Variants in PAK1IP1 observed in about 807,000 individuals in gnomAD.
The protein encoded by PAK1IP1 is PAK1 interacting protein 1.
Under a neutral mutation model 42.0 loss-of-function variants are expected in PAK1IP1, and 24 were observed. That is an observed-to-expected ratio of 0.57 (90% CI 0.41 to 0.80). PAK1IP1 has a LOEUF of 0.80. Ranked by LOEUF, PAK1IP1 falls within the 30% of genes least tolerant of loss-of-function variation. The pLI is 0.00. For missense variants in PAK1IP1, 411 were observed against 467.9 expected (o/e 0.88, Z 1.12); for synonymous variants, 154 against 156.7 (o/e 0.98, Z 0.13).
intron 7 of PAK1IP1, among the ~76,000 whole-genome samples, chr6:10,705,907 G>A (rs958086885): frequency 1.3e-5 from 2 of 152,038 alleles, no homozygotes; most frequent in Admixed American, 1.3e-4. Flanking sequence ...CTCCTATATT[G>A]GGAAGTGAAT....
chr6:10,699,464 G>A (rs545062081), intron 2 of PAK1IP1, among the ~76,000 whole-genome samples: 35 of 152,286 alleles, frequency 2.3e-4, no homozygotes, highest in Non-Finnish European at 8.8e-5. Context: ...TTGAAGTCAA[G>A]AAGTAGTACT....
intron 2 of PAK1IP1, among the ~76,000 whole-genome samples, chr6:10,701,997 G>A (rs1203020978): frequency 1.3e-5 from 2 of 152,188 alleles, no homozygotes; most frequent in African/African-American, 4.8e-5. Context: ...CACTTTGGGA[G>A]GCTGAGGTGG....
upstream of PAK1IP1, chr6:10,694,880 G>A: frequency 1.3e-6 from 1 of 758,232 alleles, no homozygotes; most frequent in Non-Finnish European, 2.2e-6. Flanking sequence ...TAATTCGAGC[G>A]CCGATGCAGA....
intron 2 of PAK1IP1, among the ~76,000 whole-genome samples, chr6:10,698,257 C>T (rs1191433347): frequency 6.6e-6 from 1 of 151,964 alleles, no homozygotes; most frequent in Non-Finnish European, 1.5e-5. Flanking sequence ...TTATGTACCC[C>T]TCTGTGTGCC....
At chr6:10,698,950 C>T (rs1250524989) in intron 2 of PAK1IP1, among the ~76,000 whole-genome samples, 1 of 151,942 alleles carries the variant, frequency 6.6e-6, no homozygotes, top group Admixed American at 6.5e-5. Flanking sequence ...CCTGTAATCC[C>T]AGCACTTTGG....
chr6:10,695,144 T>C, intron 1 of PAK1IP1, 75 bp downstream of exon 1: 2 of 883,568 alleles, frequency 2.3e-6, no homozygotes, highest in South Asian at 1.3e-5. Context: ...ACAGCAGAGG[T>C]GAACATTGGA....
intron 8 of PAK1IP1, among the ~76,000 whole-genome samples, chr6:10,708,025 C>T (rs1770257213): frequency 1.4e-5 from 2 of 143,926 alleles, no homozygotes; most frequent in African/African-American, 2.6e-5. Context: ...GACCTGATTC[C>T]TTTCTTTAGA....
chr6:10,691,055 G>A (rs1231334962), upstream of PAK1IP1, among the ~76,000 whole-genome samples: 1 of 152,186 alleles, frequency 6.6e-6, no homozygotes, highest in Non-Finnish European at 1.5e-5. Flanking sequence ...ATAAAAAAGA[G>A]CAGCATTGCT....
chr6:10,708,041 C>CTTTTTTTTTTTTTTTTTTTTTTTT (rs34074813), intron 8 of PAK1IP1, among the ~76,000 whole-genome samples: 1 of 92,298 alleles, frequency 1.1e-5, no homozygotes, highest in Non-Finnish European at 2.4e-5. Context: ...TTAGAATTTT[C>CTTTTTTTTTTTTTTTTTTTTTTTT]TTTTTTTTTT....
Position 10,697,356 on chromosome 6 carries a change from T to C in PAK1IP1, c.117T>C (p.His39=), listed in dbSNP as rs1307429425. ...CTCTTGTGGCTGACTTCACTCACCA[T>C]GCTCACACTGCCTCCTTGTCAGCAG... ...QWTLVADFTH[H]AHTASLSAVA... Residue 39 remains histidine (H), a synonymous_variant, in exon 2 of 10, where the codon CAT becomes CAC. Transcript: ENST00000379568. 3.7e-6 allele frequency: 6 copies of C among 1,614,162 alleles called. No homozygotes were observed. Among genetic ancestry groups the C allele is most frequent in the Non-Finnish European group, 5.1e-6 (6 of 1,180,006 alleles).
upstream of PAK1IP1, among the ~76,000 whole-genome samples, chr6:10,693,955 C>G (rs562976714): frequency 4.6e-5 from 7 of 152,084 alleles, no homozygotes; most frequent in Admixed American, 3.3e-4. Context: ...CTTTGTTTTC[C>G]CAACTCTCAA....
Position 10,704,558 on chromosome 6 carries a change from T to C in PAK1IP1, c.548T>C (p.Ile183Thr). ...AGAGGAGAGCAGTATGTAGTTATCA[T>C]ACAGAATAAAATAGACATCTATCAG... ...SPRGEQYVVIIQNKIDIYQLD... is the reference protein window; with the variant it reads ...SPRGEQYVVITQNKIDIYQLD... Residue 183 changes from isoleucine to threonine, a missense_variant, in exon 6 of 10, where the codon ATA (isoleucine) becomes ACA (threonine). Coordinates refer to ENST00000379568, the MANE Select transcript of PAK1IP1 (RefSeq NM_017906.3). 1 of 1,600,248 alleles carries C rather than the reference T, an allele frequency of 6.2e-7. No individual in the cohort carries two copies. The highest frequency in any genetic ancestry group is 1.1e-5 in the South Asian group (1 of 90,246).
chr6:10,696,602 A>G (rs1440044155), intron 1 of PAK1IP1, among the ~76,000 whole-genome samples: 3 of 152,214 alleles, frequency 2.0e-5, no homozygotes, highest in African/African-American at 7.2e-5. Flanking sequence ...TCTAGAGCTT[A>G]CGTTGGTACT....
At chr6:10,691,023 G>C (rs764703265), upstream of PAK1IP1, among the ~76,000 whole-genome samples, 1 of 152,190 alleles carries the variant, frequency 6.6e-6, no homozygotes, top group African/African-American at 2.4e-5. Flanking sequence ...CTGTTAAAGA[G>C]AATGTTCAAG....
chr6:10,698,396 T>A (rs1769923829), intron 2 of PAK1IP1, among the ~76,000 whole-genome samples: 1 of 152,242 alleles, frequency 6.6e-6, no homozygotes, highest in Admixed American at 6.5e-5. Context: ...TTCAAAGATG[T>A]TACTTGACTT....
intron 4 of PAK1IP1, among the ~76,000 whole-genome samples, chr6:10,703,051 C>T (rs1196414442): frequency 2.0e-5 from 3 of 152,032 alleles, no homozygotes; most frequent in African/African-American, 4.8e-5. Context: ...ATGATCCGCC[C>T]GCCTCAGCCT....
At chr6:10,701,810 A>G (rs1184153994) in intron 2 of PAK1IP1, among the ~76,000 whole-genome samples, 1 of 152,248 alleles carries the variant, frequency 6.6e-6, no homozygotes, top group African/African-American at 2.4e-5. Flanking sequence ...TATAATTTGA[A>G]GACATAAAGC....
Position 10,704,512 on chromosome 6 carries a change from C to T in PAK1IP1, c.502C>T (p.His168Tyr). The change falls in exon 6 of 10, where the codon CAC (histidine) becomes TAC (tyrosine). Residue 168 changes from histidine (H) to tyrosine (Y), a missense_variant. Transcript: ENST00000379568. ...TCGTTTTTTTCCACTTACAGATGCTCACATAGTAGAATGGTCCCCAAGAGG... is the reference window on the plus strand; with the variant it reads ...TCGTTTTTTTCCACTTACAGATGCTTACATAGTAGAATGGTCCCCAAGAGG... ...AFIKNIKQNAHIVEWSPRGEQ... is the reference protein window; with the variant it reads ...AFIKNIKQNAYIVEWSPRGEQ... The T allele has an allele frequency of 6.4e-7, 1 of 1,569,742 alleles. No homozygotes were observed. Among genetic ancestry groups the T allele is most frequent in the Non-Finnish European group, 8.7e-7 (1 of 1,155,558 alleles).
upstream of PAK1IP1, chr6:10,694,616 C>T (rs1046744751): frequency 1.0e-5 from 2 of 199,590 alleles, no homozygotes; most frequent in East Asian, 1.4e-4. Context: ...GGCCGGAAGT[C>T]GGCCCCACCT....
Sources: gnomAD v4.1 joint callset for allele counts (sites outside exome capture counted in the v4.1 genomes callset) on GRCh38, gnomAD v4.1.1 for gene constraint, MANE v1.5 for transcripts, NCBI Gene and HGNC (gene_info 2026-07-23, HGNC 2026-07-21) for gene names.